The following AGO2 variants were observed in gnomAD, a reference collection of about 807,000 sequenced individuals.
AGO2 encodes the protein argonaute RISC catalytic component 2, also known as protein argonaute-2.
In AGO2, 5 loss-of-function variants were observed where a neutral mutation model predicts 102.3. The observed-to-expected ratio is 0.05, with a 90% CI of 0.03 to 0.10. The LOEUF is 0.10. Ranked by LOEUF, AGO2 falls within the 10% of genes least tolerant of loss-of-function variation. The probability of loss-of-function intolerance (pLI) is 1.00; values close to 1 mark genes in which losing one functional copy is unlikely to be tolerated. For synonymous variants in AGO2, 449 were observed against 473.1 expected (o/e 0.95, Z 0.66); for missense variants, 541 against 1,183.7 (o/e 0.46, Z 7.97).
chr8:140,563,342 C>A (rs552526013), intron 3 of AGO2, among the ~76,000 whole-genome samples: 3 of 152,200 alleles, frequency 2.0e-5, no homozygotes, highest in African/African-American at 7.2e-5. Context: ...GGGATCCTTT[C>A]GCCTTGGCCT....
chr8:140,555,723 G>T, intron 10 of AGO2, 173 bp downstream of exon 10: 1 of 938,184 alleles, frequency 1.1e-6, no homozygotes, highest in Middle Eastern at 3.4e-4. Context: ...AAAGGACCAA[G>T]GAAAGCCATT....
At chr8:140,560,264 G>A (rs2073176446) in intron 5 of AGO2, 110 bp downstream of exon 5, 1 of 1,480,748 alleles carries the variant, frequency 6.8e-7, no homozygotes, top group Non-Finnish European at 9.1e-7. Context: ...CGCTGGCTCT[G>A]ACAGAGGCCA....
Position 140,532,634 on chromosome 8 carries a change from T to C in AGO2, c.2272-19A>G, listed in dbSNP as rs376724209. On this transcript the variant is annotated intron_variant, in intron 17 of 18. Coordinates refer to ENST00000220592, the MANE Select transcript of AGO2 (RefSeq NM_012154.5). ...TTGTCCCCTAAAGCAGATCAGAAGA[T>C]TAGACAGTTGGACTCGCATAAAATC... 1.2e-6 allele frequency: 2 copies of C among 1,611,762 alleles called. No homozygotes were observed. Among genetic ancestry groups the C allele is most frequent in the African/African-American group, 1.3e-5 (1 of 74,910 alleles).
intron 10 of AGO2, among the ~76,000 whole-genome samples, chr8:140,552,728 A>ACGCGCGCGCGCG (rs71504805): frequency 1.6e-5 from 2 of 124,074 alleles, no homozygotes; most frequent in African/African-American, 7.2e-5. Flanking sequence ...ACGCACATGC[A>ACGCGCGCGCGCG]CGCGCGCGCG....
In AGO2 at chr8:140,544,439, C is replaced by T. The variant is rs554911924; in HGVS notation, c.1749-136G>A. 3.4e-4 allele frequency: 244 copies of T among 723,220 alleles called. 2 individuals carry two copies. Among genetic ancestry groups the T allele is most frequent in the Non-Finnish European group, 4.8e-4 (218 of 451,358 alleles). The allele number at this position is 723,220 out of a possible 1,614,324, so 44.8% of individuals were successfully genotyped here. A position where few individuals can be genotyped will look rare whatever the true frequency, so the allele number is the denominator to read the frequency against. On this transcript the variant is annotated intron_variant, in intron 13 of 18. Coordinates refer to ENST00000220592, the MANE Select transcript of AGO2 (RefSeq NM_012154.5). ...TTGAAAAGAATCCTTATCTTTTAACCGGAATACTAAAAACCCTGCAGATTA... is the reference window on the plus strand; with the variant it reads ...TTGAAAAGAATCCTTATCTTTTAACTGGAATACTAAAAACCCTGCAGATTA...
chr8:140,568,323 T>TC (rs2073324987), intron 3 of AGO2, among the ~76,000 whole-genome samples: 1 of 147,548 alleles, frequency 6.8e-6, no homozygotes, highest in Non-Finnish European at 1.5e-5. Context: ...AGAAACTGTG[T>TC]ATGAAGCCAG....
At chr8:140,580,805 A>G (rs749949992) in intron 2 of AGO2, among the ~76,000 whole-genome samples, 1 of 152,230 alleles carries the variant, frequency 6.6e-6, no homozygotes, top group Non-Finnish European at 1.5e-5. Context: ...TAGGGCCTAA[A>G]GGTTCCTCCG....
In AGO2 at chr8:140,606,798, G is replaced by A. The variant is rs184322343; in HGVS notation, c.23-21487C>T. 2.3e-3 allele frequency among the ~76,000 whole-genome samples: 340 copies of A among 150,936 alleles called. 4 individuals carry two copies. The highest frequency in any genetic ancestry group is 4.3e-4 in the Non-Finnish European group (29 of 67,844). On this transcript the variant is annotated intron_variant, in intron 1 of 18. Coordinates refer to ENST00000220592, the MANE Select transcript of AGO2 (RefSeq NM_012154.5). ...CTAAAAATACAAAAATTAGCCGGTC[G>A]TGGTGGCGTGTGCCTGTATTCCTAG...
At chr8:140,563,584 A>T (rs2073235987) in intron 3 of AGO2, among the ~76,000 whole-genome samples, 1 of 152,160 alleles carries the variant, frequency 6.6e-6, no homozygotes, top group Non-Finnish European at 1.5e-5. Flanking sequence ...GACTTAAAAA[A>T]ATAACCCAAG....
rs887568380 is a variant in AGO2 at position 140,525,535 on chromosome 8, T to C, written c.*6509A>G. ...CAAAGGACACTTAGCTCTTCCGGAA[T>C]GAAAGCACGCAACGCAGCATAAAAA... On this transcript the variant is annotated 3_prime_UTR_variant, in exon 19 of 19. Transcript: ENST00000220592. 2 of 152,236 alleles carry C rather than the reference T, an allele frequency of 1.3e-5. No individual in the cohort carries two copies. Among genetic ancestry groups the C allele is most frequent in the African/African-American group, 4.8e-5 (2 of 41,430 alleles). 9.4% of individuals were successfully genotyped at this position (152,236 alleles called of 1,614,324 possible). A position where few individuals can be genotyped will look rare whatever the true frequency, so the allele number is the denominator to read the frequency against.
At chr8:140,599,418 C>T (rs573827153) in intron 1 of AGO2, among the ~76,000 whole-genome samples, 21 of 152,280 alleles carry the variant, frequency 1.4e-4, no homozygotes, top group African/African-American at 5.1e-4. Flanking sequence ...AAGGGTTCAA[C>T]GTCTTTTGTG....
At chr8:140,601,579 C>T (rs867511839) in intron 1 of AGO2, among the ~76,000 whole-genome samples, 10 of 152,146 alleles carry the variant, frequency 6.6e-5, no homozygotes, top group Middle Eastern at 3.2e-3. Flanking sequence ...CCCTTTGCTC[C>T]GCAACCATGG....
At chr8:140,642,055 AAAAGGAAAAAAAAAG>A in the AGO2 span, among the ~76,000 whole-genome samples, 1 of 150,898 alleles carries the variant, frequency 6.6e-6, no homozygotes, top group Non-Finnish European at 1.5e-5. Flanking sequence ...AAAAAAAAGA[AAAAGGAAAAAAAAAG>A]AAAGGAAAAA....
chr8:140,536,790 G>C (rs2072706267), intron 16 of AGO2, among the ~76,000 whole-genome samples: 1 of 152,184 alleles, frequency 6.6e-6, no homozygotes, highest in Non-Finnish European at 1.5e-5. Context: ...CAGAGATCTG[G>C]GGGCTGCAGC....
chr8:140,535,581 C>T lies in AGO2; in HGVS notation c.2170-12G>A. The T allele has an allele frequency of 6.2e-7, 1 of 1,613,950 alleles. No homozygotes were observed. On this transcript the variant is annotated splice_polypyrimidine_tract_variant and intron_variant, in intron 16 of 18. Coordinates refer to ENST00000220592, the MANE Select transcript of AGO2 (RefSeq NM_012154.5). ...CCACTTTTCCCAACCTTCGGCAACA[C>T]AGGCATCTCGTTAGACACGGCCAGG...
chr8:140,555,630 C>T (rs73360490), intron 10 of AGO2: 13,594 of 420,180 alleles, frequency 0.032, 739 homozygotes, highest in African/African-American at 0.15. Flanking sequence ...GTCTGTCACA[C>T]ACAGAATGGT....
At position 140,523,731 on chromosome 8, in the gene AGO2, C is replaced by T. The variant is rs915346893; in HGVS notation, c.*8313G>A. The stretch of plus-strand genomic sequence containing the variant: ...TCCATACTGTAGGATTTGAGTCACG[C>T]GTGTCTGTTTGGCTTTGAAGAGGAA... On this transcript the variant is annotated 3_prime_UTR_variant, in exon 19 of 19. Coordinates refer to ENST00000220592, the MANE Select transcript of AGO2 (RefSeq NM_012154.5). The T allele has an allele frequency of 1.3e-5, 2 of 152,280 alleles. No individual in the cohort carries two copies. Among genetic ancestry groups the T allele is most frequent in the African/African-American group, 2.4e-5 (1 of 41,552 alleles). The allele number at this position is 152,280 out of a possible 1,614,324, so 9.4% of individuals were successfully genotyped here. A position where few individuals can be genotyped will look rare whatever the true frequency, so the allele number is the denominator to read the frequency against.
At chr8:140,618,952 GTTTT>G (rs1203023645) in intron 1 of AGO2, among the ~76,000 whole-genome samples, 3 of 150,710 alleles carry the variant, frequency 2.0e-5, no homozygotes, top group Non-Finnish European at 4.4e-5. Context: ...GGAAAGAACA[GTTTT>G]TTTAAAAACT....
intron 1 of AGO2, among the ~76,000 whole-genome samples, chr8:140,632,024 A>C (rs771146710): frequency 6.6e-6 from 1 of 152,246 alleles, no homozygotes; most frequent in Non-Finnish European, 1.5e-5. Context: ...CACAGTAACG[A>C]TTCGTGAAAC....
Sources: allele counts gnomAD v4.1 joint callset (sites outside exome capture counted in the v4.1 genomes callset), GRCh38; gene constraint gnomAD v4.1.1; transcripts MANE v1.5; gene names NCBI Gene and HGNC (gene_info 2026-07-23, HGNC 2026-07-21).